The following KATNIP variants were observed in gnomAD, a reference collection of about 807,000 sequenced individuals.
KATNIP encodes katanin interacting protein.
In KATNIP, 126 loss-of-function variants were observed where a neutral mutation model predicts 174.0. The observed-to-expected ratio is 0.72, with a 90% CI of 0.63 to 0.84. The LOEUF is 0.84. KATNIP is among the 40% of genes least tolerant of loss of function. KATNIP has a pLI of 0.00. For synonymous variants in KATNIP, 810 were observed against 835.7 expected, an observed-to-expected ratio of 0.97 and a Z score of 0.53; for missense variants, 1,958 against 2,109.7, an observed-to-expected ratio of 0.93 and a Z score of 1.41.
At chr16:27,764,350 A>T (rs2082057329) in intron 19 of KATNIP, among the ~76,000 whole-genome samples, 1 of 152,238 alleles carries the variant, frequency 6.6e-6, no homozygotes, top group Admixed American at 6.5e-5. Flanking sequence ...GCATTTGAAG[A>T]GTCAATTCTT....
rs1469352848 is a variant in KATNIP at position 27,618,437 on chromosome 16, G to A, written c.76G>A (p.Asp26Asn). The A allele has an allele frequency of 6.2e-7, 1 of 1,613,020 alleles. No homozygotes were observed. Among genetic ancestry groups the A allele is most frequent in the South Asian group, 1.1e-5 (1 of 91,038 alleles). The change falls in exon 3 of 28, where the codon GAC (aspartate) becomes AAC (asparagine). Residue 26 changes from aspartate to asparagine, a missense_variant. Asp to Asn is a conservative substitution (Grantham distance 23). Around this residue, in one of 3 missense-constraint regions of KATNIP, gnomAD observed 1,557 missense variants for 1,617.8 expected, o/e 0.96. Transcript: ENST00000261588. Reference protein sequence around the residue: ...SREKKEGYAKDMVTDFDEKHD... With the variant: ...SREKKEGYAKNMVTDFDEKHD... ...TTCTTCATTTCAGGGTTACGCTAAG[G>A]ACATGGTGACAGACTTTGATGAGAA... is the stretch of plus-strand genomic sequence containing the variant.
rs1406386356 is a variant in KATNIP, at chr16:27,740,829, C to T, written c.2532C>T (p.Pro844=). The T allele has an allele frequency of 1.2e-6, 2 of 1,613,618 alleles. No individual in the cohort carries two copies. Among genetic ancestry groups the T allele is most frequent in the East Asian group, 4.5e-5 (2 of 44,888 alleles). Reference sequence around the variant, plus strand: ...ATGACTCAGACATCTTTAACCAGCCCCCCAACAGAGAGCGCCCTGCTAGTG... The same window carrying T: ...ATGACTCAGACATCTTTAACCAGCCTCCCAACAGAGAGCGCCCTGCTAGTG... The part of the protein sequence containing the change: ...HSDDSDIFNQ[P]PNRERPASGR... The change falls in exon 15 of 28, where the codon CCC becomes CCT. Residue 844 remains proline (P), a synonymous_variant. Coordinates refer to ENST00000261588, the MANE Select transcript of KATNIP (RefSeq NM_015202.5).
Position 27,769,860 on chromosome 16 carries a change from G to A in KATNIP, c.3976-1G>A, listed in dbSNP as rs1229202285. Reference sequence around the variant, plus strand: ...GTCATGTTATTTCTTTTGTTTGCCAGGCCAAGATTGTCCACGTCTCCCTGG... The same window carrying A: ...GTCATGTTATTTCTTTTGTTTGCCAAGCCAAGATTGTCCACGTCTCCCTGG... On this transcript the variant is annotated splice_acceptor_variant, in intron 20 of 27. Transcript: ENST00000261588. LOFTEE classifies it high-confidence loss of function. The A allele has an allele frequency of 6.2e-7, 1 of 1,613,352 alleles. No homozygotes were observed. The highest frequency in any genetic ancestry group is 1.7e-5 in the Admixed American group (1 of 59,994).
Position 27,771,578 on chromosome 16 carries a change from G to A in KATNIP, c.4134-10G>A. On this transcript the variant is annotated splice_polypyrimidine_tract_variant and intron_variant, in intron 21 of 27. Transcript: ENST00000261588. The stretch of plus-strand genomic sequence containing the variant: ...GAGCTTCTTCATGGTGCTGTTTTGT[G>A]CTTTTTCAGGCTGGACATGAGAAGC... The A allele has an allele frequency of 6.2e-7, 1 of 1,612,320 alleles. No homozygotes were observed. Among genetic ancestry groups the A allele is most frequent in the Non-Finnish European group, 8.5e-7 (1 of 1,179,002 alleles).
At chr16:27,558,516 G>T (rs571719383) in intron 1 of KATNIP, among the ~76,000 whole-genome samples, 1 of 152,196 alleles carries the variant, frequency 6.6e-6, no homozygotes, top group Non-Finnish European at 1.5e-5. Context: ...TGGTGAGAAA[G>T]CAGACATAAA....
chr16:27,753,904 GGA>G (rs1392277825), intron 17 of KATNIP, among the ~76,000 whole-genome samples: 1 of 151,818 alleles, frequency 6.6e-6, no homozygotes, highest in Non-Finnish European at 1.5e-5. Context: ...CTTCCCTGTT[GGA>G]GGAAATTTAA....
chr16:27,677,125 GA>G (rs1176532722), intron 6 of KATNIP, among the ~76,000 whole-genome samples: 3 of 152,146 alleles, frequency 2.0e-5, no homozygotes, highest in Non-Finnish European at 2.9e-5. Context: ...AAAGAAACAT[GA>G]AAAAAATCTT....
chr16:27,579,704 A>G (rs1306006552), intron 2 of KATNIP, among the ~76,000 whole-genome samples: 2 of 152,098 alleles, frequency 1.3e-5, no homozygotes, highest in Non-Finnish European at 2.9e-5. Flanking sequence ...GCCTCCCATG[A>G]TAACGGAAGG....
chr16:27,728,936 G>A (rs1326384994), intron 14 of KATNIP, among the ~76,000 whole-genome samples: 2 of 152,232 alleles, frequency 1.3e-5, no homozygotes, highest in African/African-American at 2.4e-5. Context: ...TGTAAGTGCT[G>A]ACTGGTGCAG....
intron 1 of KATNIP, among the ~76,000 whole-genome samples, chr16:27,558,988 A>C (rs1272437012): frequency 6.6e-6 from 1 of 152,134 alleles, no homozygotes; most frequent in African/African-American, 2.4e-5. Flanking sequence ...GTCTGTGGGG[A>C]AGAACTGGCC....
intron 17 of KATNIP, among the ~76,000 whole-genome samples, chr16:27,752,982 G>A (rs894467062): frequency 3.9e-5 from 6 of 152,232 alleles, no homozygotes; most frequent in Non-Finnish European, 8.8e-5. Context: ...CAAGGGATGG[G>A]GCTGGGCTGT....
intron 2 of KATNIP, among the ~76,000 whole-genome samples, chr16:27,588,085 T>A (rs559212166): frequency 1.3e-5 from 2 of 152,070 alleles, no homozygotes; most frequent in African/African-American, 4.8e-5. Flanking sequence ...AGAGACAGGA[T>A]CTCGCCATTT....
intron 12 of KATNIP, among the ~76,000 whole-genome samples, chr16:27,706,806 A>G (rs1306747081): frequency 2.0e-5 from 3 of 152,176 alleles, no homozygotes; most frequent in Non-Finnish European, 2.9e-5. Context: ...TTCTTCAGCA[A>G]TCCCCAGACT....
chr16:27,632,928 T>A (rs2076533305), intron 5 of KATNIP, among the ~76,000 whole-genome samples: 1 of 152,018 alleles, frequency 6.6e-6, no homozygotes, highest in Admixed American at 6.6e-5. Context: ...TTTTGTATTT[T>A]TAATAGAGAC....
intron 6 of KATNIP, among the ~76,000 whole-genome samples, chr16:27,662,049 C>CATAT (rs750894792): frequency 0.17 from 1,507 of 8,624 alleles, 588 homozygotes; most frequent in Non-Finnish European, 0.24. Flanking sequence ...TATACACATA[C>CATAT]ATATATATAT....
intron 2 of KATNIP, among the ~76,000 whole-genome samples, chr16:27,591,430 G>A (rs140116771): frequency 0.014 from 2,204 of 152,066 alleles, 18 homozygotes; most frequent in Non-Finnish European, 0.024. Context: ...TGATCCACCC[G>A]CCTCGGCCTC....
At chr16:27,569,573 T>C (rs1372011526) in intron 1 of KATNIP, among the ~76,000 whole-genome samples, 2 of 152,244 alleles carry the variant, frequency 1.3e-5, no homozygotes, top group African/African-American at 4.8e-5. Context: ...CACTTCCTTC[T>C]TTGAGTTGTT....
At chr16:27,752,319 C>A (rs1244615565) in intron 17 of KATNIP, among the ~76,000 whole-genome samples, 1 of 152,090 alleles carries the variant, frequency 6.6e-6, no homozygotes, top group Non-Finnish European at 1.5e-5. Context: ...AAATAATGAT[C>A]ATCACAGCCA....
chr16:27,766,545 GGCAGCCAGAGAGGA>G, intron 20 of KATNIP, 71 bp downstream of exon 20: 1 of 1,491,490 alleles, frequency 6.7e-7, no homozygotes, highest in South Asian at 1.2e-5. Context: ...TGGCTGGCGT[GGCAGCCAGAGAGGA>G]GCATAAATCC....
Sources: gnomAD v4.1 joint callset for allele counts (sites outside exome capture counted in the v4.1 genomes callset) on GRCh38, gnomAD v4.1.1 for gene constraint, gnomAD v4.1.1 regional missense constraint, MANE v1.5 for transcripts, NCBI Gene and HGNC (gene_info 2026-07-23, HGNC 2026-07-21) for gene names.